Variants in NPAS3 observed in about 807,000 individuals in gnomAD.
NPAS3 encodes the protein neuronal PAS domain protein 3.
Under a neutral mutation model 73.1 loss-of-function variants are expected in NPAS3, and 14 were observed. That is an observed-to-expected ratio of 0.19 (90% CI 0.13 to 0.30). The LOEUF (loss-of-function observed/expected upper bound fraction) is 0.30. Ranked by LOEUF, NPAS3 falls within the 10% of genes least tolerant of loss-of-function variation. NPAS3 has a pLI of 1.00. For synonymous variants in NPAS3, 620 were observed against 541.5 expected (o/e 1.14, Z -2.01); for missense variants, 1,096 against 1,250.0 (o/e 0.88, Z 1.86).
At chr14:33,316,537 A>G (rs968091065) in intron 3 of NPAS3, among the ~76,000 whole-genome samples, 1 of 152,082 alleles carries the variant, frequency 6.6e-6, no homozygotes, top group Admixed American at 6.6e-5. Flanking sequence ...GGCTCTAGGC[A>G]TGGAAATCTA....
At chr14:33,163,954 A>G (rs2045021219) in intron 2 of NPAS3, among the ~76,000 whole-genome samples, 1 of 152,212 alleles carries the variant, frequency 6.6e-6, no homozygotes, top group Non-Finnish European at 1.5e-5. Flanking sequence ...AATTTCTCTG[A>G]TTGAATTGAC....
chr14:33,078,267 C>T (rs1481340764), intron 2 of NPAS3, among the ~76,000 whole-genome samples: 2 of 152,048 alleles, frequency 1.3e-5, no homozygotes, highest in African/African-American at 4.8e-5. Context: ...TTTCACAGAC[C>T]CAATGATAGA....
At chr14:33,404,253 G>T (rs984997618) in intron 4 of NPAS3, among the ~76,000 whole-genome samples, 1 of 152,052 alleles carries the variant, frequency 6.6e-6, no homozygotes, top group African/African-American at 2.4e-5. Flanking sequence ...GCTATACTAC[G>T]TGTGGTAGGA....
At chr14:33,337,935 G>GT in intron 3 of NPAS3, among the ~76,000 whole-genome samples, 1 of 148,492 alleles carries the variant, frequency 6.7e-6, no homozygotes, top group African/African-American at 2.5e-5. Flanking sequence ...GAAACCTTGT[G>GT]TAACTAACTT....
chr14:33,241,697 G>C (rs927423903), intron 3 of NPAS3, among the ~76,000 whole-genome samples: 2 of 151,952 alleles, frequency 1.3e-5, no homozygotes, highest in South Asian at 4.1e-4. Flanking sequence ...CAATATTCAG[G>C]CTGCTTTGAC....
In NPAS3 at chr14:33,291,722, A is replaced by G. The variant is rs143073080; in HGVS notation, c.386-75464A>G. 5.3e-5 allele frequency among the ~76,000 whole-genome samples: 8 copies of G among 152,378 alleles called. No homozygotes were observed. In the East Asian group the frequency reaches 1.5e-3, roughly 29 times the overall value. On this transcript the variant is annotated intron_variant, in intron 3 of 11. Coordinates refer to ENST00000356141, the Ensembl canonical transcript of NPAS3. Reference sequence around the variant, plus strand: ...TGGCACAGTTAACATGATACATCATAAAATTTCACAATCATGTCAACCTGT... The same window carrying G: ...TGGCACAGTTAACATGATACATCATGAAATTTCACAATCATGTCAACCTGT...
In NPAS3 at chr14:33,112,905, A is replaced by G. The variant is rs536737471; in HGVS notation, c.140+56911A>G. Among the ~76,000 whole-genome samples the G allele has an allele frequency of 3.9e-5, 6 of 152,284 alleles. No individual in the cohort carries two copies. The East Asian group carries it at 1.2e-3, about 29-fold the overall frequency. Reference sequence around the variant, plus strand: ...CATATGGCTAGCCAGTTTTCCCAGCACCATTTATTAAATAGGGAATCCTTT... The same window carrying G: ...CATATGGCTAGCCAGTTTTCCCAGCGCCATTTATTAAATAGGGAATCCTTT... On this transcript the variant is annotated intron_variant, in intron 2 of 11. Coordinates refer to ENST00000356141, the Ensembl canonical transcript of NPAS3.
intron 3 of NPAS3, among the ~76,000 whole-genome samples, chr14:33,296,706 T>C (rs911522886): frequency 6.6e-6 from 1 of 152,232 alleles, no homozygotes; most frequent in African/African-American, 2.4e-5. Context: ...AGAAAGTTTT[T>C]CGACTCCATT....
intron 4 of NPAS3, among the ~76,000 whole-genome samples, chr14:33,395,517 C>G (rs116455467): frequency 0.029 from 4,456 of 151,594 alleles, 196 homozygotes; most frequent in African/African-American, 0.1. Context: ...AATTATCTAT[C>G]TGAAGTATGC....
At position 33,794,049 on chromosome 14, in the gene NPAS3, A is replaced by AT; in HGVS notation, c.1301+9dup. 1 of 1,609,732 alleles carries AT rather than the reference A, an allele frequency of 6.2e-7. No individual in the cohort carries two copies. The highest frequency in any genetic ancestry group is 8.5e-7 in the Non-Finnish European group (1 of 1,177,902). ...CTGGGTGAATTACCTTCTTAGGTAT[A>AT]TTTTCTACTTCTTTTCTATTTCTGT... On this transcript the variant is annotated splice_donor_region_variant and intron_variant, in intron 10 of 11. Transcript: ENST00000356141.
chr14:32,944,621 C>T (rs953695525), intron 1 of NPAS3, among the ~76,000 whole-genome samples: 49 of 152,040 alleles, frequency 3.2e-4, no homozygotes, highest in East Asian at 3.9e-4. Flanking sequence ...ATTTTTACTG[C>T]GCTGAGCCTC....
intron 4 of NPAS3, among the ~76,000 whole-genome samples, chr14:33,537,777 C>T (rs539701861): frequency 2.0e-5 from 3 of 152,234 alleles, no homozygotes; most frequent in South Asian, 2.1e-4. Context: ...GCTGTGAGCT[C>T]GTGAGTCACT....
intron 4 of NPAS3, among the ~76,000 whole-genome samples, chr14:33,436,015 G>A (rs919465847): frequency 5.9e-5 from 9 of 152,144 alleles, no homozygotes; most frequent in Admixed American, 5.9e-4. Context: ...TTCTGCAGCC[G>A]ATCCAGCCAG....
At chr14:33,789,735 C>T (rs1319110571) in intron 9 of NPAS3, among the ~76,000 whole-genome samples, 5 of 146,106 alleles carry the variant, frequency 3.4e-5, no homozygotes, top group African/African-American at 1.0e-4. Flanking sequence ...ACTACAGGCG[C>T]CCGCCACCAC....
At chr14:33,047,434 C>G (rs143714746) in intron 1 of NPAS3, among the ~76,000 whole-genome samples, 1 of 152,230 alleles carries the variant, frequency 6.6e-6, no homozygotes, top group Non-Finnish European at 1.5e-5. Flanking sequence ...GCCCTGATAT[C>G]AGGGGATAGA....
chr14:33,613,001 T>G (rs1360280645), intron 5 of NPAS3, among the ~76,000 whole-genome samples: 1 of 152,244 alleles, frequency 6.6e-6, no homozygotes, highest in Non-Finnish European at 1.5e-5. Context: ...CTTGCTGTTT[T>G]TATGTGTTTC....
At chr14:33,572,676 G>A (rs1390971293) in intron 5 of NPAS3, among the ~76,000 whole-genome samples, 1 of 152,162 alleles carries the variant, frequency 6.6e-6, no homozygotes, top group African/African-American at 2.4e-5. Flanking sequence ...TTCGTTTTAT[G>A]TGTTAAGAGA....
chr14:33,763,892 C>G (rs577192756), intron 7 of NPAS3, among the ~76,000 whole-genome samples: 17 of 150,952 alleles, frequency 1.1e-4, no homozygotes, highest in African/African-American at 4.1e-4. Flanking sequence ...TTGCTTTAAA[C>G]AATTTTAACT....
At chr14:33,129,148 C>T (rs1429681135) in intron 2 of NPAS3, among the ~76,000 whole-genome samples, 2 of 152,108 alleles carry the variant, frequency 1.3e-5, no homozygotes, top group South Asian at 2.1e-4. Context: ...CAGCTCTGGG[C>T]TCCACTCACT....
Sources: allele counts gnomAD v4.1 joint callset (sites outside exome capture counted in the v4.1 genomes callset), GRCh38; gene constraint gnomAD v4.1.1; transcripts MANE v1.5; gene names NCBI Gene and HGNC (gene_info 2026-07-23, HGNC 2026-07-21).